Variants in TBC1D4 observed in about 807,000 individuals in gnomAD.
TBC1D4 encodes TBC1 domain family member 4.
Under a neutral mutation model 142.5 loss-of-function variants are expected in TBC1D4, and 121 were observed. The observed-to-expected ratio is 0.85, with a 90% CI of 0.73 to 0.99. TBC1D4 has a LOEUF of 0.99. Among genes scored for constraint, TBC1D4 ranks in the 50% least tolerant of loss-of-function variants. TBC1D4 has a pLI of 0.00. For missense variants in TBC1D4, 1,475 were observed against 1,606.6 expected, an observed-to-expected ratio of 0.92 and a Z score of 1.40; for synonymous variants, 630 against 628.2, an observed-to-expected ratio of 1.00 and a Z score of -0.04.
At chr13:75,373,849 C>T (rs150111394) in intron 1 of TBC1D4, among the ~76,000 whole-genome samples, 172 of 152,202 alleles carry the variant, frequency 1.1e-3, no homozygotes, top group Non-Finnish European at 1.9e-3. Flanking sequence ...AAATATCAAA[C>T]GCTCCCTTCC....
At chr13:75,426,904 A>G (rs4331237) in intron 1 of TBC1D4, among the ~76,000 whole-genome samples, 67,572 of 148,188 alleles carry the variant, frequency 0.46, 19,331 homozygotes, top group African/African-American at 0.82. Flanking sequence ...AAAAAAATAG[A>G]TGGGCATGGT....
At chr13:75,451,032 C>T (rs908441337) in intron 1 of TBC1D4, among the ~76,000 whole-genome samples, 5 of 152,118 alleles carry the variant, frequency 3.3e-5, no homozygotes, top group Non-Finnish European at 5.9e-5. Context: ...TCTATTTCCC[C>T]CAAAAGTATA....
At chr13:75,358,579 G>A (rs918176409) in intron 3 of TBC1D4, among the ~76,000 whole-genome samples, 5 of 152,116 alleles carry the variant, frequency 3.3e-5, no homozygotes, top group African/African-American at 1.2e-4. Context: ...CCAGCATGGT[G>A]GCTCATGCTT....
rs755759440 is a variant in TBC1D4 at position 75,327,799 on chromosome 13, C to T, written c.1759G>A (p.Gly587Arg). Residue 587 changes from glycine (G) to arginine (R), a missense_variant, in exon 9 of 21, where the codon GGA (glycine) becomes AGA (arginine). Transcript: ENST00000377636. ...GACCGTTCAAAACTGTCCACACTTC[C>T]AAGCCGACCTCTCATTCTGTTAGCT... Reference protein sequence around the residue: ...RGANRMRGRLGSVDSFERSNS... With the variant: ...RGANRMRGRLRSVDSFERSNS... The T allele has an allele frequency of 6.2e-7, 1 of 1,613,846 alleles. No individual in the cohort carries two copies.
intron 1 of TBC1D4, chr13:75,377,375 CTCTGCTAACACCATGCTTTGAA>C (rs1381252406): frequency 6.6e-6 from 1 of 152,144 alleles, no homozygotes; most frequent in Non-Finnish European, 1.5e-5. Flanking sequence ...TTTTCTGATT[CTCTGCTAACACCATGCTTTGAA>C]TCTGCTAACA....
chr13:75,430,458 T>C (rs1886550835), intron 1 of TBC1D4, among the ~76,000 whole-genome samples: 1 of 152,348 alleles, frequency 6.6e-6, no homozygotes, highest in East Asian at 1.9e-4. Context: ...TCAAAATCTC[T>C]TTTGTTTCTT....
chr13:75,324,367 T>G lies in TBC1D4; in HGVS notation c.2068A>C (p.Ser690Arg), dbSNP rs1879040660. 1 of 1,613,876 alleles carries G rather than the reference T, an allele frequency of 6.2e-7. No individual in the cohort carries two copies. The highest frequency in any genetic ancestry group is 1.7e-5 in the Admixed American group (1 of 59,998). The change falls in exon 11 of 21, where the codon AGT becomes CGT. Residue 690 changes from serine to arginine, a missense_variant. By Grantham distance (110) the Ser-to-Arg change is moderately radical (BLOSUM62 -1). Coordinates refer to ENST00000377636, the MANE Select transcript of TBC1D4 (RefSeq NM_014832.5). ...LSSVRRMYKESNSSSSLPSLH... is the reference protein window; with the variant it reads ...LSSVRRMYKERNSSSSLPSLH... ...CTTGGAAGACTGGAGGAAGAATTACTCTCCTTGTACATGCGTCGAACTGAC... is the reference window on the plus strand; with the variant it reads ...CTTGGAAGACTGGAGGAAGAATTACGCTCCTTGTACATGCGTCGAACTGAC...
At chr13:75,382,593 C>G (rs1482049973) in intron 1 of TBC1D4, among the ~76,000 whole-genome samples, 1 of 152,120 alleles carries the variant, frequency 6.6e-6, no homozygotes, top group Non-Finnish European at 1.5e-5. Flanking sequence ...AACAGATGCC[C>G]TATTCAGTTA....
intron 1 of TBC1D4, among the ~76,000 whole-genome samples, chr13:75,376,323 T>A (rs1337143644): frequency 2.0e-5 from 3 of 152,024 alleles, no homozygotes; most frequent in African/African-American, 4.8e-5. Context: ...TCTACAGACA[T>A]ACTGAAATTT....
chr13:75,297,557 C>A (rs970529785), intron 17 of TBC1D4, among the ~76,000 whole-genome samples: 1 of 151,956 alleles, frequency 6.6e-6, no homozygotes, highest in African/African-American at 2.4e-5. Context: ...AAGTTTGAGA[C>A]CAGCCTGCCC....
rs1885963516 is a variant in TBC1D4 at position 75,417,341 on chromosome 13, C to T, written c.499-54734G>A. ...GAGCCGGCATCCTCAAACCTGTGTCCTGCACCACCTGCCCCGGGTAAGTGC... is the reference window on the plus strand; with the variant it reads ...GAGCCGGCATCCTCAAACCTGTGTCTTGCACCACCTGCCCCGGGTAAGTGC... On this transcript the variant is annotated intron_variant, in intron 1 of 20. Coordinates refer to ENST00000377636, the MANE Select transcript of TBC1D4 (RefSeq NM_014832.5). Among the ~76,000 whole-genome samples, 3 of 152,192 alleles carry T rather than the reference C, an allele frequency of 2.0e-5. No homozygotes were observed. The South Asian group carries it at 6.2e-4, about 31-fold the overall frequency.
At chr13:75,373,548 T>C (rs1472266217) in intron 1 of TBC1D4, among the ~76,000 whole-genome samples, 3 of 152,126 alleles carry the variant, frequency 2.0e-5, no homozygotes. Context: ...GGCACTAGTC[T>C]CCCCACATAG....
intron 15 of TBC1D4, chr13:75,302,609 C>CACTT (rs1876693919): frequency 1.6e-6 from 1 of 611,038 alleles, no homozygotes; most frequent in Non-Finnish European, 2.9e-6. Flanking sequence ...CCTCACGCAA[C>CACTT]ACTTACGATA....
rs567075450 is a variant in TBC1D4 at position 75,462,338 on chromosome 13, G to A, written c.498+18932C>T. Reference sequence around the variant, plus strand: ...GACCTAAAGTTTAATATGATACCTAGGGTAACTACCAAATTGTACATTACC... The same window carrying A: ...GACCTAAAGTTTAATATGATACCTAAGGTAACTACCAAATTGTACATTACC... On this transcript the variant is annotated intron_variant, in intron 1 of 20. Transcript: ENST00000377636. Among the ~76,000 whole-genome samples, 18 of 152,172 alleles carry A rather than the reference G, an allele frequency of 1.2e-4. No individual in the cohort carries two copies. In the East Asian group the frequency reaches 3.5e-3, roughly 29 times the overall value.
At chr13:75,449,816 C>T (rs551454862) in intron 1 of TBC1D4, among the ~76,000 whole-genome samples, 1 of 152,198 alleles carries the variant, frequency 6.6e-6, no homozygotes, top group East Asian at 1.9e-4. Context: ...AACTCCTGAC[C>T]TCAAGTGATC....
intron 1 of TBC1D4, among the ~76,000 whole-genome samples, chr13:75,401,409 C>T (rs1474820743): frequency 6.6e-6 from 1 of 152,188 alleles, no homozygotes; most frequent in African/African-American, 2.4e-5. Flanking sequence ...GGTCCACCCA[C>T]ATAACTATCC....
At chr13:75,336,798 T>C in intron 8 of TBC1D4, 123 bp downstream of exon 8, 1 of 1,238,612 alleles carries the variant, frequency 8.1e-7, no homozygotes, top group South Asian at 1.4e-5. Context: ...TTTTAAAAGT[T>C]ATCTTAGGTT....
chr13:75,313,881 C>G (rs1389536190), intron 12 of TBC1D4, among the ~76,000 whole-genome samples: 7 of 152,160 alleles, frequency 4.6e-5, no homozygotes, highest in Non-Finnish European at 1.0e-4. Flanking sequence ...ACTGTTAATA[C>G]ACTGGCATGC....
intron 1 of TBC1D4, among the ~76,000 whole-genome samples, chr13:75,451,259 C>T (rs1047536640): frequency 2.0e-5 from 3 of 151,996 alleles, no homozygotes; most frequent in Admixed American, 1.3e-4. Context: ...AAAAGTGCCT[C>T]GCAGTGTCTG....
Sources: allele counts gnomAD v4.1 joint callset (sites outside exome capture counted in the v4.1 genomes callset), GRCh38; gene constraint gnomAD v4.1.1; transcripts MANE v1.5; gene names NCBI Gene and HGNC (gene_info 2026-07-23, HGNC 2026-07-21).